MFSD11: variants seen among roughly 807,000 people sequenced by gnomAD.
MFSD11 encodes the protein UNC93-like protein MFSD11.
Under a neutral mutation model 53.5 loss-of-function variants are expected in MFSD11, and 36 were observed. That is an observed-to-expected ratio of 0.67 (90% confidence interval 0.52 to 0.89). The LOEUF (loss-of-function observed/expected upper bound fraction) is 0.89. Among genes scored for constraint, MFSD11 ranks in the 40% least tolerant of loss-of-function variants. The pLI, the probability that MFSD11 is intolerant of heterozygous loss-of-function variation, is 0.00. For synonymous variants in MFSD11, 186 were observed against 184.9 expected (o/e 1.01, Z -0.05); for missense variants, 530 against 543.9 (o/e 0.97, Z 0.25).
At chr17:76,750,897 A>G (rs1440743652) in intron 7 of MFSD11, among the ~76,000 whole-genome samples, 1 of 148,144 alleles carries the variant, frequency 6.8e-6, no homozygotes, top group Non-Finnish European at 1.5e-5. Context: ...TCCGCCTTCC[A>G]TGTTCAAGTG....
chr17:76,765,443 T>C (rs1291993210), intron 8 of MFSD11, among the ~76,000 whole-genome samples: 1 of 149,984 alleles, frequency 6.7e-6, no homozygotes, highest in Non-Finnish European at 1.5e-5. Context: ...TGTGGGTCCC[T>C]TGAATTTCCT....
At chr17:76,797,011 T>C in the MFSD11 span, among the ~76,000 whole-genome samples, 1 of 151,716 alleles carries the variant, frequency 6.6e-6, no homozygotes, top group South Asian at 2.1e-4. Context: ...CTACTAAAAA[T>C]ACAAAAAATT....
chr17:76,782,253 G>A (rs2082181903), downstream of MFSD11, among the ~76,000 whole-genome samples: 1 of 151,748 alleles, frequency 6.6e-6, no homozygotes, highest in South Asian at 2.1e-4. Context: ...TCGGCTCACT[G>A]CAACCTCTGC....
At chr17:76,790,343 C>CTTT in the MFSD11 span, among the ~76,000 whole-genome samples, 28 of 121,940 alleles carry the variant, frequency 2.3e-4, 2 homozygotes, top group Middle Eastern at 0.012. Context: ...ATATTTCTTT[C>CTTT]TTTCTTTTTT....
chr17:76,765,460 T>A (rs1482457491), intron 8 of MFSD11, among the ~76,000 whole-genome samples: 1 of 127,038 alleles, frequency 7.9e-6, no homozygotes, highest in Admixed American at 7.6e-5. Flanking sequence ...TCCTTTTTTT[T>A]TTTTTTTTTT....
downstream of MFSD11, among the ~76,000 whole-genome samples, chr17:76,783,753 G>A (rs2145004747): frequency 6.6e-6 from 1 of 152,052 alleles, no homozygotes; most frequent in African/African-American, 2.4e-5. Context: ...TAGTAGAGAC[G>A]GGATTTCACC....
At position 76,742,230 on chromosome 17, in the gene MFSD11, A is replaced by C; in HGVS notation, c.394A>C (p.Ile132Leu). The C allele has an allele frequency of 6.2e-7, 1 of 1,614,194 alleles. No individual in the cohort carries two copies. Among genetic ancestry groups the C allele is most frequent in the Non-Finnish European group, 8.5e-7 (1 of 1,180,042 alleles). The part of the protein sequence containing the change: ...CLTINSDEHS[I>L]GRNSGIFWAL... ...GACAATCAATTCGGATGAGCACAGC[A>C]TTGGGAGAAACAGTGGGATTTTCTG... Residue 132 changes from isoleucine to leucine, a missense_variant, in exon 5 of 13, where the codon ATT (isoleucine) becomes CTT (leucine). By Grantham distance (5) the Ile-to-Leu change is conservative (BLOSUM62 2). Coordinates refer to ENST00000685175, the MANE Select transcript of MFSD11 (RefSeq NM_001242532.5).
At chr17:76,789,486 AGT>A in the MFSD11 span, among the ~76,000 whole-genome samples, 8 of 150,094 alleles carry the variant, frequency 5.3e-5, no homozygotes, top group Non-Finnish European at 1.0e-4. Flanking sequence ...TTTGCCTCTT[AGT>A]GCACATGTTT....
At chr17:76,761,061 C>T (rs1057304059) in intron 8 of MFSD11, among the ~76,000 whole-genome samples, 1 of 151,896 alleles carries the variant, frequency 6.6e-6, no homozygotes, top group Non-Finnish European at 1.5e-5. Flanking sequence ...AAAAATTAGC[C>T]GCACACGGTG....
At chr17:76,772,135 A>C (rs1200277561) in intron 10 of MFSD11, among the ~76,000 whole-genome samples, 1 of 152,128 alleles carries the variant, frequency 6.6e-6, no homozygotes, top group African/African-American at 2.4e-5. Context: ...GAAATTGCGA[A>C]AATAGGCCAG....
the MFSD11 span, among the ~76,000 whole-genome samples, chr17:76,794,487 A>AAAAT: frequency 6.8e-6 from 1 of 147,916 alleles, no homozygotes; most frequent in Non-Finnish European, 1.5e-5. Context: ...AAAGAAAAAA[A>AAAAT]AAAAATTAGC....
Position 76,778,207 on chromosome 17 carries a change from C to T in MFSD11, c.1205C>T (p.Ala402Val). The T allele has an allele frequency of 6.2e-7, 1 of 1,614,200 alleles. No homozygotes were observed. ...TCTTAGTCTATTTGCGCAGCCGTGG[C>T]ATTTTTCTACAGCAACTACCTTCTC... ...KFVQSICAAVAFFYSNYLLLH... is the reference protein window; with the variant it reads ...KFVQSICAAVVFFYSNYLLLH... The change falls in exon 13 of 13, where the codon GCA (alanine) becomes GTA (valine). Residue 402 changes from alanine to valine, a missense_variant. Ala to Val is a moderately conservative substitution (Grantham distance 64). Transcript: ENST00000685175.
the MFSD11 span, among the ~76,000 whole-genome samples, chr17:76,799,954 C>CTTTTTTTTTTTTTTTTTTTTTTTTT: frequency 9.2e-5 from 8 of 87,300 alleles, no homozygotes; most frequent in African/African-American, 3.3e-4. Context: ...TTTTCTTTTT[C>CTTTTTTTTTTTTTTTTTTTTTTTTT]CTTTTTTTTT....
chr17:76,801,364 C>CAAAAAAAAAAAAAAAAAAAA, the MFSD11 span, among the ~76,000 whole-genome samples: 1 of 72,240 alleles, frequency 1.4e-5, no homozygotes. Context: ...GGCTCTGTCT[C>CAAAAAAAAAAAAAAAAAAAA]AAAAAAAAAA....
rs548548621 is a variant in MFSD11, at chr17:76,765,241, A to G, written c.683-2145A>G. Among the ~76,000 whole-genome samples the G allele has an allele frequency of 7.9e-4, 121 of 152,236 alleles. No individual in the cohort carries two copies. The South Asian group carries it at 0.013, about 16-fold the overall frequency. On this transcript the variant is annotated intron_variant, in intron 8 of 12. Coordinates refer to ENST00000685175, the MANE Select transcript of MFSD11 (RefSeq NM_001242532.5). Reference sequence around the variant, plus strand: ...TGCATGTCAATATCCTGTTGTAGTCACGCCATTTGCTGAAAAGTCTGTTTT... The same window carrying G: ...TGCATGTCAATATCCTGTTGTAGTCGCGCCATTTGCTGAAAAGTCTGTTTT...
chr17:76,745,157 CTTTG>C (rs756236358), intron 7 of MFSD11, among the ~76,000 whole-genome samples: 12 of 152,290 alleles, frequency 7.9e-5, no homozygotes, highest in Non-Finnish European at 1.6e-4. Context: ...CCTTGTTTTG[CTTTG>C]TTTGTGATAC....
chr17:76,791,471 C>A, the MFSD11 span, among the ~76,000 whole-genome samples: 2 of 148,732 alleles, frequency 1.3e-5, no homozygotes, highest in African/African-American at 5.0e-5. Context: ...GGATAATTGT[C>A]ACTGAACCGA....
intron 8 of MFSD11, among the ~76,000 whole-genome samples, chr17:76,759,954 GAGAAA>G (rs2045411054): frequency 6.6e-6 from 1 of 151,482 alleles, no homozygotes; most frequent in Non-Finnish European, 1.5e-5. Flanking sequence ...AAGTCAGCTA[GAGAAA>G]AGAAAATATT....
intron 10 of MFSD11, among the ~76,000 whole-genome samples, chr17:76,773,986 C>T (rs1041450979): frequency 2.0e-5 from 3 of 152,054 alleles, no homozygotes; most frequent in Middle Eastern, 3.4e-3. Context: ...AGTGCAATGA[C>T]ATGATCTTGG....
Sources: allele counts gnomAD v4.1 joint callset (sites outside exome capture counted in the v4.1 genomes callset), GRCh38; gene constraint gnomAD v4.1.1; transcripts MANE v1.5; gene names NCBI Gene and HGNC (gene_info 2026-07-23, HGNC 2026-07-21).